The following EGLN1 variants were observed in gnomAD, a reference collection of about 807,000 sequenced individuals.
EGLN1 encodes the protein egl-9 family hypoxia inducible factor 1.
EGLN1 carries 17 observed loss-of-function variants against 38.3 expected under a neutral mutation model. That is an observed-to-expected ratio of 0.44 (90% CI 0.30 to 0.67). EGLN1 has a LOEUF of 0.67. Ranked by LOEUF, EGLN1 falls within the 30% of genes least tolerant of loss-of-function variation. The pLI is 0.08. For missense variants in EGLN1, 477 were observed against 603.3 expected (o/e 0.79, Z 2.19); for synonymous variants, 283 against 257.5 (o/e 1.10, Z -0.95).
At chr1:231,379,581 G>C (rs184194789) in intron 1 of EGLN1, among the ~76,000 whole-genome samples, 58 of 152,320 alleles carry the variant, frequency 3.8e-4, no homozygotes, top group Non-Finnish European at 6.5e-4. Flanking sequence ...CTCAAAGCAC[G>C]AGATGGGAGC....
At chr1:231,376,133 CT>C (rs1349147359) in intron 1 of EGLN1, among the ~76,000 whole-genome samples, 3 of 152,288 alleles carry the variant, frequency 2.0e-5, no homozygotes, top group Middle Eastern at 6.8e-3. Flanking sequence ...TACATAGTCC[CT>C]CCTTATAAGA....
chr1:231,402,242 A>G (rs2790874), intron 1 of EGLN1, among the ~76,000 whole-genome samples: 82,682 of 151,750 alleles, frequency 0.54, 24,165 homozygotes, highest in Non-Finnish European at 0.65. Flanking sequence ...TTTTCTCTCA[A>G]AAGGGTTTGT....
chr1:231,396,032 T>TA (rs201443732), intron 1 of EGLN1, among the ~76,000 whole-genome samples: 1,957 of 41,192 alleles, frequency 0.048, 69 homozygotes, highest in African/African-American at 0.079. Context: ...CCCCACTCCT[T>TA]TAAAAAGAAA....
chr1:231,380,078 G>A (rs1047481847), intron 1 of EGLN1, among the ~76,000 whole-genome samples: 1 of 152,068 alleles, frequency 6.6e-6, no homozygotes, highest in Non-Finnish European at 1.5e-5. Flanking sequence ...CCAAAAAAAA[G>A]TCATGACTGG....
chr1:231,392,926 G>A (rs1304635585), intron 1 of EGLN1, among the ~76,000 whole-genome samples: 1 of 152,158 alleles, frequency 6.6e-6, no homozygotes, highest in African/African-American at 2.4e-5. Flanking sequence ...CTCACCCCTA[G>A]GTGAGGTTCA....
At chr1:231,394,441 C>T (rs11582428) in intron 1 of EGLN1, among the ~76,000 whole-genome samples, 79,682 of 147,638 alleles carry the variant, frequency 0.54, 23,110 homozygotes, top group Non-Finnish European at 0.65. Context: ...TGCAGTGGCG[C>T]AATCTCGGCT....
chr1:231,365,310 G>C lies in EGLN1; in HGVS notation c.*1101C>G, dbSNP rs992173099. 3.3e-4 allele frequency: 50 copies of C among 152,186 alleles called. 2 individuals carry two copies. Among genetic ancestry groups the C allele is most frequent in the East Asian group, 1.9e-4 (1 of 5,200 alleles). 9.4% of individuals were successfully genotyped at this position (152,186 alleles called of 1,614,324 possible). A position where few individuals can be genotyped will look rare whatever the true frequency, so the allele number is the denominator to read the frequency against. On this transcript the variant is annotated 3_prime_UTR_variant, in exon 5 of 5. Coordinates refer to ENST00000366641, the MANE Select transcript of EGLN1 (RefSeq NM_022051.3). The stretch of plus-strand genomic sequence containing the variant: ...AAAGACTTAGAAATGGGACATTATT[G>C]TCTACATCTAGAGGATACATACACC...
At chr1:231,402,021 T>A (rs934133771) in intron 1 of EGLN1, among the ~76,000 whole-genome samples, 5 of 152,204 alleles carry the variant, frequency 3.3e-5, no homozygotes, top group African/African-American at 1.2e-4. Context: ...GTATGTATAG[T>A]GGCATCTCAT....
At chr1:231,403,591 C>T (rs901935578) in intron 1 of EGLN1, among the ~76,000 whole-genome samples, 1 of 151,274 alleles carries the variant, frequency 6.6e-6, no homozygotes, top group Non-Finnish European at 1.5e-5. Context: ...GCTAACATGG[C>T]GAAACCCTGT....
At chr1:231,384,572 T>C (rs1473192483) in intron 1 of EGLN1, among the ~76,000 whole-genome samples, 1 of 152,046 alleles carries the variant, frequency 6.6e-6, no homozygotes, top group Non-Finnish European at 1.5e-5. Context: ...CTGGCATATC[T>C]GAGGAAAAAG....
At chr1:231,405,918 T>C (rs1688777430) in intron 1 of EGLN1, among the ~76,000 whole-genome samples, 1 of 151,974 alleles carries the variant, frequency 6.6e-6, no homozygotes, top group South Asian at 2.1e-4. Context: ...ATAGAAACTA[T>C]TTTAATATAA....
chr1:231,369,501 A>G, intron 3 of EGLN1: 1 of 900,466 alleles, frequency 1.1e-6, no homozygotes, highest in Non-Finnish European at 1.3e-6. Flanking sequence ...GAGACATGGG[A>G]TTGAAAAGGG....
chr1:231,400,449 C>T (rs749215037), intron 1 of EGLN1, among the ~76,000 whole-genome samples: 21 of 152,116 alleles, frequency 1.4e-4, no homozygotes, highest in Non-Finnish European at 2.6e-4. Context: ...AACTATGACA[C>T]CCTCTGCATA....
chr1:231,403,345 T>C (rs941270774), intron 1 of EGLN1, among the ~76,000 whole-genome samples: 3 of 152,198 alleles, frequency 2.0e-5, no homozygotes, highest in African/African-American at 4.8e-5. Flanking sequence ...CCAGCTATAA[T>C]TGTAATTTGT....
chr1:231,410,832 A>T (rs897503222), intron 1 of EGLN1, among the ~76,000 whole-genome samples: 2 of 128,596 alleles, frequency 1.6e-5, no homozygotes, highest in Admixed American at 1.8e-4. Flanking sequence ...CTATTGCAGC[A>T]GTAAAAATAT....
rs1277787691 is a variant in EGLN1 at position 231,365,483 on chromosome 1, C to G, written c.*928G>C. 5 of 152,024 alleles carry G rather than the reference C, an allele frequency of 3.3e-5. No homozygotes were observed. The highest frequency in any genetic ancestry group is 9.7e-5 in the African/African-American group (4 of 41,384). The allele number at this position is 152,024 out of a possible 1,614,324, so 9.4% of individuals were successfully genotyped here. A position where few individuals can be genotyped will look rare whatever the true frequency, so the allele number is the denominator to read the frequency against. On this transcript the variant is annotated 3_prime_UTR_variant, in exon 5 of 5. Transcript: ENST00000366641. ...CAAAACCCCGTCTCTACTAAACATACAAAAATTAGTCAGGCATGGTGGTGT... is the reference window on the plus strand; with the variant it reads ...CAAAACCCCGTCTCTACTAAACATAGAAAAATTAGTCAGGCATGGTGGTGT...
intron 2 of EGLN1, among the ~76,000 whole-genome samples, chr1:231,372,788 T>G (rs1415351146): frequency 6.6e-6 from 1 of 152,202 alleles, no homozygotes; most frequent in African/African-American, 2.4e-5. Flanking sequence ...GTGAGCATAT[T>G]CTAAACTTAA....
At chr1:231,405,527 A>T (rs1688767245) in intron 1 of EGLN1, among the ~76,000 whole-genome samples, 1 of 152,110 alleles carries the variant, frequency 6.6e-6, no homozygotes, top group Non-Finnish European at 1.5e-5. Context: ...TCTACTCAAC[A>T]ACTCTTCTGT....
At chr1:231,393,367 G>T (rs1688442021) in intron 1 of EGLN1, among the ~76,000 whole-genome samples, 1 of 151,888 alleles carries the variant, frequency 6.6e-6, no homozygotes, top group Admixed American at 6.6e-5. Context: ...CCAGAAGCTG[G>T]TGACCTAAAA....
Sources: allele counts gnomAD v4.1 joint callset (sites outside exome capture counted in the v4.1 genomes callset), GRCh38; gene constraint gnomAD v4.1.1; transcripts MANE v1.5; gene names NCBI Gene and HGNC (gene_info 2026-07-23, HGNC 2026-07-21).